Variants in ABCC9 observed in about 807,000 individuals in gnomAD.
ABCC9 encodes the protein ATP binding cassette subfamily C member 9, also known as ATP-binding cassette sub-family C member 9.
Under a neutral mutation model 188.3 loss-of-function variants are expected in ABCC9, and 95 were observed. That is an observed-to-expected ratio of 0.50 (90% CI 0.43 to 0.60). The LOEUF (loss-of-function observed/expected upper bound fraction) is 0.60, where lower values mean the gene tolerates loss of function less well. Among genes scored for constraint, ABCC9 ranks in the 20% least tolerant of loss-of-function variants. The pLI is 0.00. For missense variants in ABCC9, 1,102 were observed against 1,876.3 expected, an observed-to-expected ratio of 0.59 and a Z score of 7.62; for synonymous variants, 659 against 652.7, an observed-to-expected ratio of 1.01 and a Z score of -0.15.
At chr12:21,878,696 A>G (rs1277503643) in intron 16 of ABCC9, among the ~76,000 whole-genome samples, 1 of 152,216 alleles carries the variant, frequency 6.6e-6, no homozygotes, top group Non-Finnish European at 1.5e-5. Context: ...TATGAGTGTG[A>G]CAGGGAAAGG....
chr12:21,849,404 A>AGTTT (rs1297811752), intron 24 of ABCC9, among the ~76,000 whole-genome samples: 2 of 152,190 alleles, frequency 1.3e-5, no homozygotes, highest in Admixed American at 1.3e-4. Context: ...GTTTGACCCC[A>AGTTT]GTTTTAAATT....
At position 21,797,742 on chromosome 12, in the gene ABCC9, G is replaced by A. The variant is rs573711742; in HGVS notation, c.*3302C>T. On this transcript the variant is annotated 3_prime_UTR_variant, in exon 40 of 40. Transcript: ENST00000261200. ...AGACTTTTAAATGGATCATGAGTAAGAGTACAAAAATAGATGGTGCATAAT... is the reference window on the plus strand; with the variant it reads ...AGACTTTTAAATGGATCATGAGTAAAAGTACAAAAATAGATGGTGCATAAT... 6.6e-6 allele frequency: 1 copy of A among 152,122 alleles called. No homozygotes were observed. The highest frequency in any genetic ancestry group is 1.5e-5 in the Non-Finnish European group (1 of 68,014). 9.4% of individuals were successfully genotyped at this position (152,122 alleles called of 1,614,324 possible).
In ABCC9 at chr12:21,859,592, G is replaced by A. The variant is rs751103892; in HGVS notation, c.2499C>T (p.Val833=). 1 of 1,613,682 alleles carries A rather than the reference G, an allele frequency of 6.2e-7. No individual in the cohort carries two copies. The highest frequency in any genetic ancestry group is 2.2e-5 in the East Asian group (1 of 44,868). ...GGGAAGGCCATATTCTTACCAAAAA[G>A]ACAATGTTGGTGTTTTGATACAGCG... The part of the protein sequence containing the change: ...ARALYQNTNI[V]FLDDPFSALD... Residue 833 remains valine (V), a synonymous_variant, in exon 22 of 40, where the codon GTC becomes GTT. Transcript: ENST00000261200.
At chr12:21,912,627 G>C (rs1246382321) in intron 8 of ABCC9, among the ~76,000 whole-genome samples, 6 of 152,072 alleles carry the variant, frequency 3.9e-5, no homozygotes, top group Admixed American at 6.6e-5. Context: ...GTAAATGCTT[G>C]TTAAATGTTT....
chr12:21,920,851 T>TA (rs1592238955), intron 5 of ABCC9, among the ~76,000 whole-genome samples: 1 of 152,044 alleles, frequency 6.6e-6, no homozygotes, highest in Non-Finnish European at 1.5e-5. Flanking sequence ...TTATTTCACT[T>TA]AAACAATGAC....
intron 38 of ABCC9, among the ~76,000 whole-genome samples, 163 bp from the exon 39 acceptor site, chr12:21,806,223 C>A (rs1271597281): frequency 6.6e-6 from 1 of 152,122 alleles, no homozygotes; most frequent in African/African-American, 2.4e-5. Flanking sequence ...CAGGTTCATG[C>A]TGGATTCTGT....
rs1448022150 is a variant in ABCC9, at chr12:21,894,058, G to C, written c.1776C>G (p.Val592=). Reference sequence around the variant, plus strand: ...TTATGATGGCTTTGACTGCAAATCTGACCACCGTGGAGAGCAGGAACAGTG... The same window carrying C: ...TTATGATGGCTTTGACTGCAAATCTCACCACCGTGGAGAGCAGGAACAGTG... ...VTPLFLLSTV[V]RFAVKAIISV... is the part of the protein sequence containing the mutation. Residue 592 remains valine, a synonymous_variant, in exon 14 of 40, where the codon GTC becomes GTG. Coordinates refer to ENST00000261200, the MANE Select transcript of ABCC9 (RefSeq NM_020297.4). 1 of 1,613,960 alleles carries C rather than the reference G, an allele frequency of 6.2e-7. No individual in the cohort carries two copies. Among genetic ancestry groups the C allele is most frequent in the East Asian group, 2.2e-5 (1 of 44,870 alleles).
At chr12:21,855,127 G>T (rs1235788819) in intron 22 of ABCC9, among the ~76,000 whole-genome samples, 1 of 151,898 alleles carries the variant, frequency 6.6e-6, no homozygotes, top group African/African-American at 2.4e-5. Flanking sequence ...TTCTTCCTGG[G>T]AATTTTTCAC....
chr12:21,938,082 G>GA (rs1949565245), intron 2 of ABCC9: 1 of 9,360 alleles, frequency 1.1e-4, no homozygotes, highest in Non-Finnish European at 2.3e-4. Context: ...CTTTTCCTAG[G>GA]AAAAAACAGT....
intron 11 of ABCC9, among the ~76,000 whole-genome samples, chr12:21,907,701 A>G (rs1284354576): frequency 4.6e-5 from 7 of 152,060 alleles, no homozygotes; most frequent in Non-Finnish European, 8.8e-5. Flanking sequence ...CAGAAGCAGC[A>G]AACTTGACCC....
chr12:21,832,780 C>A (rs1321614709), intron 30 of ABCC9, among the ~76,000 whole-genome samples: 3 of 151,910 alleles, frequency 2.0e-5, no homozygotes, highest in Non-Finnish European at 4.4e-5. Context: ...AGGTATCTAC[C>A]CAGAGGAAAA....
intron 18 of ABCC9, among the ~76,000 whole-genome samples, chr12:21,869,239 T>C (rs1945940455): frequency 6.6e-6 from 1 of 152,172 alleles, no homozygotes; most frequent in South Asian, 2.1e-4. Flanking sequence ...CTCAGAATTA[T>C]CTCAATTTCC....
At chr12:21,842,058 T>A (rs371718574) in intron 29 of ABCC9, among the ~76,000 whole-genome samples, 10 of 152,198 alleles carry the variant, frequency 6.6e-5, no homozygotes, top group African/African-American at 2.4e-4. Flanking sequence ...ATAACCTACA[T>A]ACATCATCCC....
At chr12:21,805,683 A>G (rs1229332170) in intron 39 of ABCC9, among the ~76,000 whole-genome samples, 2 of 152,208 alleles carry the variant, frequency 1.3e-5, no homozygotes, top group Non-Finnish European at 2.9e-5. Context: ...CCATCAGATT[A>G]TAGAAAAGAG....
At chr12:21,931,937 A>G (rs1949306054) in intron 4 of ABCC9, among the ~76,000 whole-genome samples, 1 of 152,122 alleles carries the variant, frequency 6.6e-6, no homozygotes, top group South Asian at 2.1e-4. Context: ...GCCCTCATAA[A>G]ACATTACAAA....
intron 30 of ABCC9, among the ~76,000 whole-genome samples, chr12:21,834,876 A>T (rs1943990348): frequency 6.6e-6 from 1 of 151,200 alleles, no homozygotes; most frequent in Non-Finnish European, 1.5e-5. Context: ...CCCACCATTA[A>T]CTTCTCACTC....
intron 29 of ABCC9, among the ~76,000 whole-genome samples, chr12:21,841,451 C>T (rs181748397): frequency 1.4e-4 from 20 of 146,944 alleles, no homozygotes; most frequent in African/African-American, 4.8e-4. Flanking sequence ...CTCTGCCTCC[C>T]GGGTTCAAGC....
chr12:21,832,019 G>A (rs947763190), intron 30 of ABCC9, among the ~76,000 whole-genome samples: 1 of 152,188 alleles, frequency 6.6e-6, no homozygotes, highest in East Asian at 1.9e-4. Context: ...TGAGAGGGGA[G>A]GGGTGAAAAT....
rs569309901 is a variant in ABCC9 at position 21,859,681 on chromosome 12, C to T, written c.2425-15G>A. The stretch of plus-strand genomic sequence containing the variant: ...AGGTTGATGCCCTAGAGAAGAGACA[C>T]CCCCAAATACCCATTTTTTAATATT... On this transcript the variant is annotated splice_polypyrimidine_tract_variant and intron_variant, in intron 21 of 39. Coordinates refer to ENST00000261200, the MANE Select transcript of ABCC9 (RefSeq NM_020297.4). 4.4e-6 allele frequency: 7 copies of T among 1,601,900 alleles called. No individual in the cohort carries two copies. The East Asian group carries it at 8.9e-5, about 20-fold the overall frequency.
Sources: allele counts gnomAD v4.1 joint callset (sites outside exome capture counted in the v4.1 genomes callset), GRCh38; gene constraint gnomAD v4.1.1; transcripts MANE v1.5; gene names NCBI Gene and HGNC (gene_info 2026-07-23, HGNC 2026-07-21).